The following AGBL4 variants were observed in gnomAD, a reference collection of about 807,000 sequenced individuals.
AGBL4 encodes the protein AGBL carboxypeptidase 4.
Under a neutral mutation model 66.4 loss-of-function variants are expected in AGBL4, and 58 were observed. The observed-to-expected ratio is 0.87, with a 90% confidence interval of 0.71 to 1.09. The LOEUF is 1.09. Ranked by LOEUF, AGBL4 falls within the 50% of genes least tolerant of loss-of-function variation. The pLI is 0.00. For missense variants in AGBL4, 579 were observed against 631.0 expected (o/e 0.92, Z 0.88); for synonymous variants, 234 against 222.9 (o/e 1.05, Z -0.44).
intron 6 of AGBL4, among the ~76,000 whole-genome samples, chr1:48,774,239 AGCACAGTGG>A (rs1644970256): frequency 6.6e-6 from 1 of 152,234 alleles, no homozygotes; most frequent in Non-Finnish European, 1.5e-5. Flanking sequence ...CTGGTGCCAT[AGCACAGTGG>A]TATTTACATA....
intron 4 of AGBL4, among the ~76,000 whole-genome samples, chr1:49,116,090 A>G (rs1002373492): frequency 6.6e-6 from 1 of 152,188 alleles, no homozygotes; most frequent in Non-Finnish European, 1.5e-5. Context: ...TATGCACGAG[A>G]TATCTATGAT....
At chr1:49,153,954 A>C (rs1646384509) in intron 4 of AGBL4, among the ~76,000 whole-genome samples, 1 of 152,074 alleles carries the variant, frequency 6.6e-6, no homozygotes, top group African/African-American at 2.4e-5. Context: ...TACCTCAGAG[A>C]TTTATTTTGA....
chr1:48,837,521 C>A (rs1392815119), intron 6 of AGBL4, among the ~76,000 whole-genome samples: 1 of 151,694 alleles, frequency 6.6e-6, no homozygotes, highest in South Asian at 2.1e-4. Context: ...CTACATCTTT[C>A]TCCCATGCTG....
At chr1:49,220,716 A>G (rs1649430264) in intron 4 of AGBL4, among the ~76,000 whole-genome samples, 1 of 152,020 alleles carries the variant, frequency 6.6e-6, no homozygotes, top group South Asian at 2.1e-4. Flanking sequence ...CCAGTTTTTG[A>G]AGCCACAAAG....
chr1:49,523,163 C>T (rs77382928), intron 3 of AGBL4, among the ~76,000 whole-genome samples: 7,392 of 151,940 alleles, frequency 0.049, 233 homozygotes, highest in African/African-American at 0.066. Context: ...TATTTTCATA[C>T]GAATCAATGA....
Position 49,226,286 on chromosome 1 carries a change from A to G in AGBL4, c.377+19484T>C, listed in dbSNP as rs565135726. On this transcript the variant is annotated intron_variant, in intron 4 of 13. Transcript: ENST00000371839. The stretch of plus-strand genomic sequence containing the variant: ...TGTGCACAATACTTAACTTGAATAA[A>G]TGTTTATGATAATGAAAGGATTAAG... Among the ~76,000 whole-genome samples, 49 of 152,344 alleles carry G rather than the reference A, an allele frequency of 3.2e-4. 1 individual carries two copies. In the Middle Eastern group the frequency reaches 0.014, roughly 42 times the overall value.
intron 3 of AGBL4, among the ~76,000 whole-genome samples, chr1:49,283,011 T>A (rs1053329249): frequency 6.6e-6 from 1 of 152,232 alleles, no homozygotes; most frequent in Non-Finnish European, 1.5e-5. Flanking sequence ...AACTGGGTGG[T>A]GCCCACCACA....
chr1:49,957,376 T>C (rs1038280614), intron 1 of AGBL4, among the ~76,000 whole-genome samples: 3 of 151,942 alleles, frequency 2.0e-5, no homozygotes, highest in Admixed American at 6.6e-5. Flanking sequence ...CTATTAGGTC[T>C]GCTTGGTGCA....
intron 3 of AGBL4, among the ~76,000 whole-genome samples, chr1:49,286,479 A>G (rs1324181255): frequency 6.6e-6 from 1 of 152,222 alleles, no homozygotes; most frequent in Non-Finnish European, 1.5e-5. Context: ...GCTCAGACCA[A>G]AATCTCCTTA....
At chr1:49,916,574 T>A (rs1651526166) in intron 1 of AGBL4, among the ~76,000 whole-genome samples, 1 of 152,308 alleles carries the variant, frequency 6.6e-6, no homozygotes, top group Admixed American at 6.5e-5. Flanking sequence ...CCAAGAAATA[T>A]GTGACTTTGT....
chr1:50,001,528 T>C (rs955943825), intron 1 of AGBL4, among the ~76,000 whole-genome samples: 1 of 150,322 alleles, frequency 6.7e-6, no homozygotes, highest in African/African-American at 2.4e-5. Flanking sequence ...TATATATGAA[T>C]GTATATATAA....
chr1:48,736,172 G>T lies in AGBL4; in HGVS notation c.635-72931C>A. On this transcript the variant is annotated intron_variant, in intron 6 of 13. Coordinates refer to ENST00000371839, the MANE Select transcript of AGBL4 (RefSeq NM_032785.4). This position sits in a 1 kb window ranked among gnomAD's most constrained non-coding sequence, Gnocchi z 4.0. ...ATAAGTAATCGTTGAATTGAATTGTGCCTAACACATTCTTGACAGAGTAAA... is the reference window on the plus strand; with the variant it reads ...ATAAGTAATCGTTGAATTGAATTGTTCCTAACACATTCTTGACAGAGTAAA... 6.6e-7 allele frequency: 1 copy of T among 1,511,372 alleles called. No homozygotes were observed. Among genetic ancestry groups the T allele is most frequent in the Non-Finnish European group, 9.2e-7 (1 of 1,087,948 alleles). 93.6% of individuals were successfully genotyped at this position (1,511,372 alleles called of 1,614,324 possible).
At chr1:49,620,687 G>A (rs6588353) in intron 3 of AGBL4, among the ~76,000 whole-genome samples, 31,001 of 151,926 alleles carry the variant, frequency 0.2, 4,468 homozygotes, top group African/African-American at 0.41. Context: ...GAGGAAAATC[G>A]TAACTACCTA....
intron 3 of AGBL4, among the ~76,000 whole-genome samples, chr1:49,484,045 T>G (rs1647011682): frequency 6.6e-6 from 1 of 152,018 alleles, no homozygotes; most frequent in Non-Finnish European, 1.5e-5. Flanking sequence ...AAAACTGCAA[T>G]GAGATATCAT....
At chr1:50,021,837 C>A (rs1662466450) in intron 1 of AGBL4, among the ~76,000 whole-genome samples, 1 of 152,168 alleles carries the variant, frequency 6.6e-6, no homozygotes, top group Non-Finnish European at 1.5e-5. Context: ...TAAAAGCCTT[C>A]AATGGCTTCC....
intron 4 of AGBL4, among the ~76,000 whole-genome samples, chr1:49,064,168 T>G (rs1316564680): frequency 6.6e-6 from 1 of 152,224 alleles, no homozygotes. Flanking sequence ...GCTGTCAGTA[T>G]TGTCCACTTT....
intron 3 of AGBL4, among the ~76,000 whole-genome samples, chr1:49,672,620 CT>C (rs1188677293): frequency 6.6e-6 from 1 of 151,756 alleles, no homozygotes; most frequent in Non-Finnish European, 1.5e-5. Flanking sequence ...CAAAATGTGG[CT>C]CTTTGAAAAG....
intron 7 of AGBL4, among the ~76,000 whole-genome samples, chr1:48,660,577 C>G (rs569512170): frequency 6.6e-6 from 1 of 152,118 alleles, no homozygotes; most frequent in Non-Finnish European, 1.5e-5. Context: ...AGCTGAGACA[C>G]CCTTAGAAAA....
chr1:49,834,562 G>T (rs927753412), intron 2 of AGBL4, among the ~76,000 whole-genome samples: 1 of 152,018 alleles, frequency 6.6e-6, no homozygotes, highest in African/African-American at 2.4e-5. Context: ...GGTTTTTTGT[G>T]TCTTGATCTC....
Sources: allele counts gnomAD v4.1 joint callset (sites outside exome capture counted in the v4.1 genomes callset), GRCh38; gene constraint gnomAD v4.1.1; non-coding constraint Gnocchi (gnomAD v3.1); transcripts MANE v1.5; gene names NCBI Gene and HGNC (gene_info 2026-07-23, HGNC 2026-07-21).